EYS: variants seen among roughly 807,000 people sequenced by gnomAD.
EYS encodes protein eyes shut homolog.
EYS carries 250 observed loss-of-function variants against 282.1 expected under a neutral mutation model. The observed-to-expected ratio is 0.89, with a 90% CI of 0.80 to 0.98. EYS has a LOEUF of 0.98. Among genes scored for constraint, EYS ranks in the 50% least tolerant of loss-of-function variants. The probability of loss-of-function intolerance (pLI) is 0.00; values close to 1 mark genes in which losing one functional copy is unlikely to be tolerated. For missense variants in EYS, 4,016 were observed against 3,709.0 expected (o/e 1.08, Z -2.15); for synonymous variants, 1,355 against 1,282.9 (o/e 1.06, Z -1.20).
chr6:63,920,440 A>G (rs1018057765), intron 35 of EYS, among the ~76,000 whole-genome samples: 1 of 152,064 alleles, frequency 6.6e-6, no homozygotes, highest in South Asian at 2.1e-4. Flanking sequence ...TCCTTTAGAC[A>G]ACAACTCCTG....
At chr6:64,047,759 T>A (rs1408782694) in intron 33 of EYS, among the ~76,000 whole-genome samples, 1 of 152,182 alleles carries the variant, frequency 6.6e-6, no homozygotes, top group Non-Finnish European at 1.5e-5. Context: ...GAAGGTTAAG[T>A]CACTTGCTTG....
intron 26 of EYS, among the ~76,000 whole-genome samples, chr6:64,478,628 G>A (rs1286103544): frequency 6.6e-6 from 1 of 150,578 alleles, no homozygotes; most frequent in African/African-American, 2.4e-5. Flanking sequence ...TCTACACTGT[G>A]TCAGATAATT....
intron 41 of EYS, among the ~76,000 whole-genome samples, chr6:63,740,620 T>C (rs1460248813): frequency 6.6e-6 from 1 of 152,234 alleles, no homozygotes; most frequent in Admixed American, 6.5e-5. Context: ...CAGTGTCTCA[T>C]GTTCCTAGAT....
rs529284090 is a variant in EYS, at chr6:64,412,075, A to T, written c.5928-23235T>A. 1.8e-4 allele frequency among the ~76,000 whole-genome samples: 27 copies of T among 151,266 alleles called. 1 individual carries two copies. In the East Asian group the frequency reaches 5.3e-3, roughly 29 times the overall value. On this transcript the variant is annotated intron_variant, in intron 28 of 42. Transcript: ENST00000503581. ...CCTAGAAATTTAATACTTCATTACTAGATTATGAAATAAACTGAAAAAATA... is the reference window on the plus strand; with the variant it reads ...CCTAGAAATTTAATACTTCATTACTTGATTATGAAATAAACTGAAAAAATA...
intron 40 of EYS, among the ~76,000 whole-genome samples, chr6:63,770,015 G>T (rs1184682296): frequency 6.6e-6 from 1 of 151,842 alleles, no homozygotes; most frequent in Non-Finnish European, 1.5e-5. Context: ...TAGAAAACAT[G>T]GTCTTGTTCC....
chr6:65,645,330 G>A (rs562145819), intron 1 of EYS, among the ~76,000 whole-genome samples: 1 of 152,180 alleles, frequency 6.6e-6, no homozygotes, highest in East Asian at 1.9e-4. Context: ...ATTATATAAA[G>A]TACTCTCTCA....
At chr6:63,805,982 G>A (rs1196321061) in intron 37 of EYS, among the ~76,000 whole-genome samples, 1 of 152,168 alleles carries the variant, frequency 6.6e-6, no homozygotes, top group Admixed American at 6.5e-5. Context: ...TAATACAGTA[G>A]CCCTGATGCA....
intron 22 of EYS, among the ~76,000 whole-genome samples, chr6:64,791,038 TG>T (rs1429568214): frequency 1.3e-5 from 2 of 151,896 alleles, no homozygotes; most frequent in African/African-American, 4.8e-5. Context: ...CTCCTTATGC[TG>T]TTTCTTTCTT....
chr6:64,950,088 A>G (rs1401577668), intron 14 of EYS, among the ~76,000 whole-genome samples: 3 of 151,986 alleles, frequency 2.0e-5, no homozygotes, highest in Non-Finnish European at 4.4e-5. Flanking sequence ...CCAGACTAGG[A>G]AAAACAAAGA....
At chr6:64,916,384 G>T (rs1474994387) in intron 15 of EYS, among the ~76,000 whole-genome samples, 1 of 152,174 alleles carries the variant, frequency 6.6e-6, no homozygotes, top group Non-Finnish European at 1.5e-5. Flanking sequence ...GAATGTGGCT[G>T]TATGTCAAGA....
At chr6:63,793,442 T>C (rs544005611) in intron 37 of EYS, among the ~76,000 whole-genome samples, 1 of 152,368 alleles carries the variant, frequency 6.6e-6, no homozygotes, top group South Asian at 2.1e-4. Context: ...CTTTGAAAGA[T>C]CAATTGAGTA....
intron 15 of EYS, among the ~76,000 whole-genome samples, chr6:64,937,894 AAAAT>A (rs1162088036): frequency 6.6e-6 from 1 of 151,690 alleles, no homozygotes; most frequent in Non-Finnish European, 1.5e-5. Context: ...TATCAGCTGA[AAAAT>A]AAACAAATTT....
rs201489789 is a variant in EYS at position 64,730,488 on chromosome 6, A to AT, written c.3443+82889dup. On this transcript the variant is annotated intron_variant, in intron 22 of 42. Coordinates refer to ENST00000503581, the MANE Select transcript of EYS (RefSeq NM_001142800.2). Reference sequence around the variant, plus strand: ...AAACAACTTTTACTTTTACTTATTTATTTTTTTTGAGATGGGCATCCTGCT... The same window carrying AT: ...AAACAACTTTTACTTTTACTTATTTATTTTTTTTTGAGATGGGCATCCTGCT... Among the ~76,000 whole-genome samples the AT allele has an allele frequency of 9.5e-3, 1,447 of 151,888 alleles. 26 individuals carry two copies. The highest frequency in any genetic ancestry group is 0.033 in the African/African-American group (1,375 of 41,424).
At chr6:65,117,330 A>G (rs781094525) in intron 12 of EYS, among the ~76,000 whole-genome samples, 3 of 152,218 alleles carry the variant, frequency 2.0e-5, no homozygotes, top group Non-Finnish European at 2.9e-5. Context: ...CATTTCCATA[A>G]TTAAAACAGG....
In EYS at chr6:64,644,285, A is replaced by C. The variant is rs568618178; in HGVS notation, c.3444-18040T>G. 3.6e-3 allele frequency among the ~76,000 whole-genome samples: 544 copies of C among 150,394 alleles called. 4 individuals are homozygous for C. The highest frequency in any genetic ancestry group is 0.013 in the African/African-American group (529 of 40,884). On this transcript the variant is annotated intron_variant, in intron 22 of 42. Transcript: ENST00000503581. ...GGAGCATCCCAGTTTTATGAGCCAT[A>C]AAAATTCTATATATGACTTAATTAG...
intron 28 of EYS, among the ~76,000 whole-genome samples, chr6:64,432,636 C>T (rs1352824210): frequency 6.6e-6 from 1 of 151,688 alleles, no homozygotes; most frequent in Non-Finnish European, 1.5e-5. Flanking sequence ...ATAATTATAA[C>T]TATACCAACA....
intron 39 of EYS, among the ~76,000 whole-genome samples, chr6:63,782,440 T>C (rs1300899922): frequency 1.3e-5 from 2 of 152,220 alleles, no homozygotes; most frequent in Non-Finnish European, 2.9e-5. Context: ...CTGTTATTGG[T>C]CTATTCAGGG....
chr6:63,864,810 T>A (rs570581374), intron 35 of EYS, among the ~76,000 whole-genome samples: 2 of 152,178 alleles, frequency 1.3e-5, no homozygotes, highest in Non-Finnish European at 2.9e-5. Flanking sequence ...GCTGCATTTG[T>A]AGTAATTCTG....
At chr6:63,758,655 G>A (rs962278611) in intron 41 of EYS, among the ~76,000 whole-genome samples, 3 of 151,942 alleles carry the variant, frequency 2.0e-5, no homozygotes, top group Admixed American at 6.6e-5. Context: ...ATAAGAACAC[G>A]GCACTAGAAG....
Sources: gnomAD v4.1 joint callset for allele counts (sites outside exome capture counted in the v4.1 genomes callset) on GRCh38, gnomAD v4.1.1 for gene constraint, MANE v1.5 for transcripts, NCBI Gene and HGNC (gene_info 2026-07-23, HGNC 2026-07-21) for gene names.